The following WDR33 variants were observed in gnomAD, a reference collection of about 807,000 sequenced individuals.
WDR33 encodes WD repeat domain 33.
WDR33 carries 47 observed loss-of-function variants against 164.9 expected under a neutral mutation model. The observed-to-expected ratio is 0.29, with a 90% CI of 0.23 to 0.36. The LOEUF is 0.36. WDR33 is among the 10% of genes least tolerant of loss of function. WDR33 has a pLI of 1.00. For synonymous variants in WDR33, 505 were observed against 589.0 expected (o/e 0.86, Z 2.06); for missense variants, 1,137 against 1,754.1 (o/e 0.65, Z 6.28).
Position 127,706,048 on chromosome 2 carries a change from TGAGACTTAAAAAAAA to T in WDR33, c.*260_*274del, listed in dbSNP as rs1416313174. 2.7e-6 allele frequency: 1 copy of T among 371,204 alleles called. No individual in the cohort carries two copies. Among genetic ancestry groups the T allele is most frequent in the African/African-American group, 2.1e-5 (1 of 48,108 alleles). The allele number at this position is 371,204 out of a possible 1,614,324, so 23.0% of individuals were successfully genotyped here. ...ATTTGTGGAGATGCCCCATGTCTTG[TGAGACTTAAAAAAAA>T]GAAAAAGATCCCAGCTTTTATCTTC... On this transcript the variant is annotated 3_prime_UTR_variant, in exon 22 of 22. Transcript: ENST00000322313. This position sits in a 1 kb window ranked among gnomAD's most constrained non-coding sequence, Gnocchi z 5.1.
At chr2:127,778,641 T>C (rs1346124876) in intron 1 of WDR33, among the ~76,000 whole-genome samples, 9 of 151,946 alleles carry the variant, frequency 5.9e-5, no homozygotes, top group African/African-American at 1.9e-4. Flanking sequence ...AGAGGCACTA[T>C]TACAAGGGAT....
intron 1 of WDR33, among the ~76,000 whole-genome samples, chr2:127,805,105 G>T (rs1386535555): frequency 8.4e-6 from 1 of 119,268 alleles, no homozygotes; most frequent in African/African-American, 3.7e-5. Flanking sequence ...TTTGAGACAG[G>T]GTTCTCTTGT....
intron 1 of WDR33, among the ~76,000 whole-genome samples, chr2:127,800,690 T>A: frequency 6.7e-6 from 1 of 149,042 alleles, no homozygotes; most frequent in South Asian, 2.1e-4. Flanking sequence ...TATGAAGGAA[T>A]TGCAGAGGGA....
chr2:127,711,524 T>G (rs1028129552), intron 18 of WDR33, among the ~76,000 whole-genome samples: 1 of 151,084 alleles, frequency 6.6e-6, no homozygotes, highest in African/African-American at 2.4e-5. Flanking sequence ...AAAGCTCTTC[T>G]AGTCATAAAA....
intron 18 of WDR33, among the ~76,000 whole-genome samples, chr2:127,711,780 A>ATATATATATATATATATATATATAT: frequency 2.3e-5 from 2 of 88,318 alleles, no homozygotes; most frequent in South Asian, 4.6e-4. Flanking sequence ...ATATATATAT[A>ATATATATATATATATATATATATAT]TTTTTTTTTT....
Position 127,701,573 on chromosome 2 carries a change from GA to G in WDR33, c.*4749del. On this transcript the variant is annotated 3_prime_UTR_variant, in exon 22 of 22. Coordinates refer to ENST00000322313, the MANE Select transcript of WDR33 (RefSeq NM_018383.5). The stretch of plus-strand genomic sequence containing the variant: ...AGCTGCAGGAGTACCTGGCGCAGGG[GA>G]AAGCTGGCGGCCCGGCGGCCGCGGA... 7.3e-7 allele frequency: 1 copy of G among 1,364,962 alleles called. No individual in the cohort carries two copies. The highest frequency in any genetic ancestry group is 1.7e-5 in the South Asian group (1 of 57,386). The allele number at this position is 1,364,962 out of a possible 1,614,324, so 84.6% of individuals were successfully genotyped here. A position where few individuals can be genotyped will look rare whatever the true frequency, so the allele number is the denominator to read the frequency against.
At chr2:127,800,709 A>G (rs186062879) in intron 1 of WDR33, among the ~76,000 whole-genome samples, 1 of 152,128 alleles carries the variant, frequency 6.6e-6, no homozygotes, top group East Asian at 1.9e-4. Flanking sequence ...GAAAAAAATA[A>G]TAATAAAACC....
chr2:127,762,027 G>T (rs1687693775), intron 7 of WDR33, among the ~76,000 whole-genome samples: 3 of 152,162 alleles, frequency 2.0e-5, no homozygotes, highest in Non-Finnish European at 2.9e-5. Flanking sequence ...TACAGCTAAA[G>T]CTCTGAAAAA....
In WDR33 at chr2:127,702,140, C is replaced by T. The variant is rs1450050845; in HGVS notation, c.*4183G>A. On this transcript the variant is annotated 3_prime_UTR_variant, in exon 22 of 22. Transcript: ENST00000322313. ...TGCGCCTCGCACTGGGTCGCCTGGGCCGCGGCGCCGGCCTCGCCAAGGTGC... is the reference window on the plus strand; with the variant it reads ...TGCGCCTCGCACTGGGTCGCCTGGGTCGCGGCGCCGGCCTCGCCAAGGTGC... The T allele has an allele frequency of 8.2e-7, 1 of 1,215,500 alleles. No individual in the cohort carries two copies. 75.3% of individuals were successfully genotyped at this position (1,215,500 alleles called of 1,614,324 possible).
intron 1 of WDR33, among the ~76,000 whole-genome samples, chr2:127,807,717 G>C (rs531364456): frequency 5.3e-5 from 8 of 152,324 alleles, no homozygotes; most frequent in Non-Finnish European, 1.2e-4. Flanking sequence ...ACCAAGTCAT[G>C]AGGGGAATTT....
At chr2:127,750,714 G>A (rs5019063) in intron 7 of WDR33, among the ~76,000 whole-genome samples, 2,375 of 32,560 alleles carry the variant, frequency 0.073, 48 homozygotes, top group African/African-American at 0.097. Context: ...ATATATATAT[G>A]TATGTATGCA....
intron 1 of WDR33, among the ~76,000 whole-genome samples, chr2:127,772,448 T>A (rs1250776665): frequency 6.7e-6 from 1 of 148,680 alleles, no homozygotes; most frequent in Non-Finnish European, 1.5e-5. Context: ...AAAAAAAAAA[T>A]TCCACTTAGA....
At chr2:127,751,362 AAATAATAATAATAATAATAAT>A (rs61554819) in intron 7 of WDR33, among the ~76,000 whole-genome samples, 21 of 136,858 alleles carry the variant, frequency 1.5e-4, no homozygotes, top group African/African-American at 5.5e-4. Flanking sequence ...CCTTATCTCA[AAATAATAATAATAATAATAAT>A]AATAATAATA....
chr2:127,746,009 A>G (rs944374858), intron 7 of WDR33, among the ~76,000 whole-genome samples: 4 of 149,134 alleles, frequency 2.7e-5, no homozygotes, highest in African/African-American at 1.0e-4. Flanking sequence ...TGGGAGACAG[A>G]GCGAGACTCT....
At chr2:127,749,438 G>C (rs896934770) in intron 7 of WDR33, among the ~76,000 whole-genome samples, 6 of 151,984 alleles carry the variant, frequency 3.9e-5, no homozygotes, top group Non-Finnish European at 8.8e-5. Flanking sequence ...GAGGCAGGTG[G>C]ATCACCCGAG....
chr2:127,719,348 G>A lies in WDR33; in HGVS notation c.2677C>T (p.Pro893Ser). ...PQGQQNPARG[P>S]HPSQGPIPFQ... ...GGTATTGGCCCTTGAGATGGATGTGGCCCTCTTGCTGGGTTCTGCTGTCCC... is the reference window on the plus strand; with the variant it reads ...GGTATTGGCCCTTGAGATGGATGTGACCCTCTTGCTGGGTTCTGCTGTCCC... Residue 893 changes from proline to serine, a missense_variant, in exon 16 of 22, where the codon CCA (proline) becomes TCA (serine). Physicochemically the swap from Pro to Ser is moderately conservative, Grantham distance 74. Coordinates refer to ENST00000322313, the MANE Select transcript of WDR33 (RefSeq NM_018383.5). The surrounding 1 kb of genome is among the most constrained non-coding windows in gnomAD (Gnocchi z 6.5). 1 of 1,508,766 alleles carries A rather than the reference G, an allele frequency of 6.6e-7. No homozygotes were observed. Among genetic ancestry groups the A allele is most frequent in the Non-Finnish European group, 8.9e-7 (1 of 1,129,866 alleles). 93.5% of individuals were successfully genotyped at this position (1,508,766 alleles called of 1,614,324 possible). A position where few individuals can be genotyped will look rare whatever the true frequency, so the allele number is the denominator to read the frequency against.
At chr2:127,781,071 C>T (rs541124122) in intron 1 of WDR33, among the ~76,000 whole-genome samples, 3 of 152,062 alleles carry the variant, frequency 2.0e-5, no homozygotes, top group Non-Finnish European at 4.4e-5. Flanking sequence ...ACCATGTTGG[C>T]CAGGCTGGTC....
Position 127,702,076 on chromosome 2 carries a change from CGCTGGTTGG to C in WDR33, c.*4238_*4246del, listed in dbSNP as rs1272371837. On this transcript the variant is annotated 3_prime_UTR_variant, in exon 22 of 22. Coordinates refer to ENST00000322313, the MANE Select transcript of WDR33 (RefSeq NM_018383.5). The stretch of plus-strand genomic sequence containing the variant: ...GCGCAGGTGGCCGCGCTGCTGGCCG[CGCTGGTTGG>C]GCTGCTGCCCTGGGGCGGCGGCACC... The C allele has an allele frequency of 9.8e-6, 12 of 1,223,626 alleles. No individual in the cohort carries two copies. In the Admixed American group the frequency reaches 1.7e-4, roughly 18 times the overall value. The allele number at this position is 1,223,626 out of a possible 1,614,324, so 75.8% of individuals were successfully genotyped here.
At chr2:127,753,183 T>C (rs980837079) in intron 7 of WDR33, among the ~76,000 whole-genome samples, 7 of 152,352 alleles carry the variant, frequency 4.6e-5, no homozygotes, top group East Asian at 3.9e-4. Context: ...TGCCTTGGCC[T>C]CCCAAAGTGC....
Sources: gnomAD v4.1 joint callset for allele counts (sites outside exome capture counted in the v4.1 genomes callset) on GRCh38, gnomAD v4.1.1 for gene constraint, Gnocchi (gnomAD v3.1) non-coding constraint, MANE v1.5 for transcripts, NCBI Gene and HGNC (gene_info 2026-07-23, HGNC 2026-07-21) for gene names.